Variants in SRPRB observed in about 807,000 individuals in gnomAD.
SRPRB encodes SRP receptor subunit beta.
In SRPRB, 20 loss-of-function variants were observed where a neutral mutation model predicts 31.9. That is an observed-to-expected ratio of 0.63 (90% CI 0.44 to 0.91). The LOEUF (loss-of-function observed/expected upper bound fraction) is 0.91. Among genes scored for constraint, SRPRB ranks in the 40% least tolerant of loss-of-function variants. The probability of loss-of-function intolerance (pLI) is 0.00; values close to 1 mark genes in which losing one functional copy is unlikely to be tolerated. For synonymous variants in SRPRB, 146 were observed against 132.8 expected (o/e 1.10, Z -0.68); for missense variants, 321 against 324.9 (o/e 0.99, Z 0.09).
chr3:133,813,274 T>C (rs943251013), intron 4 of SRPRB, among the ~76,000 whole-genome samples: 2 of 152,234 alleles, frequency 1.3e-5, no homozygotes, highest in African/African-American at 4.8e-5. Context: ...TCCTCAGTTT[T>C]GGAAAATTCT....
At chr3:133,796,772 T>C (rs1197017994) in intron 1 of SRPRB, 1 of 152,210 alleles carries the variant, frequency 6.6e-6, no homozygotes, top group Non-Finnish European at 1.5e-5. Flanking sequence ...AAACATCTAG[T>C]CTTCTAGATG....
chr3:133,819,430 TAA>T lies in SRPRB; in HGVS notation c.603-122_603-121del, dbSNP rs1292135421. 1.4e-5 allele frequency: 11 copies of T among 783,212 alleles called. No individual in the cohort carries two copies. The African/African-American group carries it at 1.7e-4, about 12-fold the overall frequency. 48.5% of individuals were successfully genotyped at this position (783,212 alleles called of 1,614,324 possible). A position where few individuals can be genotyped will look rare whatever the true frequency, so the allele number is the denominator to read the frequency against. On this transcript the variant is annotated intron_variant, in intron 6 of 6. Transcript: ENST00000678299. Reference sequence around the variant, plus strand: ...AATGCAAAGGATTATTCAACAATCTTAATAGCATAATTGGCAATTCTATAGTT... The same window carrying T: ...AATGCAAAGGATTATTCAACAATCTTTAGCATAATTGGCAATTCTATAGTT...
chr3:133,805,870 C>T lies in SRPRB; in HGVS notation c.22C>T (p.Arg8Trp), dbSNP rs1346733651. The stretch of plus-strand genomic sequence containing the variant: ...ATCCATGGCTTCCGCGGACTCGCGC[C>T]GGGTGGCAGATGGCGGCGGTGCCGG... MASADSR[R>W]VADGGGAGGT... Residue 8 changes from arginine (R) to tryptophan (W), a missense_variant, in exon 1 of 7, where the codon CGG becomes TGG. By Grantham distance (101) the Arg-to-Trp change is moderately radical. Coordinates refer to ENST00000678299, the MANE Select transcript of SRPRB (RefSeq NM_001379313.1). 7 of 1,612,028 alleles carry T rather than the reference C, an allele frequency of 4.3e-6. No individual in the cohort carries two copies. The highest frequency in any genetic ancestry group is 1.3e-5 in the African/African-American group (1 of 74,998).
intron 6 of SRPRB, among the ~76,000 whole-genome samples, chr3:133,819,350 A>AGGCCCCC (rs1559893781): frequency 6.8e-6 from 1 of 146,254 alleles, no homozygotes; most frequent in Non-Finnish European, 1.5e-5. Context: ...GTGAGGTCTG[A>AGGCCCCC]CCCCCCCAGC....
chr3:133,814,000 C>T lies in SRPRB; in HGVS notation c.411-1590C>T, dbSNP rs568181063. 3.9e-5 allele frequency among the ~76,000 whole-genome samples: 6 copies of T among 152,272 alleles called. No homozygotes were observed. In the South Asian group the frequency reaches 6.2e-4, roughly 16 times the overall value. On this transcript the variant is annotated intron_variant, in intron 4 of 6. Coordinates refer to ENST00000678299, the MANE Select transcript of SRPRB (RefSeq NM_001379313.1). ...CTAAGGGAACTTTTTTTGCAAGCCC[C>T]GACCTCCCTGAGACTATTTTAAGTT...
intron 1 of SRPRB, chr3:133,792,265 G>T (rs1258293470): frequency 1.7e-4 from 26 of 152,170 alleles, no homozygotes; most frequent in Non-Finnish European, 1.5e-5. Flanking sequence ...AGTAAAATAA[G>T]CGGTTGTTAA....
At position 133,820,317 on chromosome 3, in the gene SRPRB, G is replaced by C. The variant is rs1489328627; in HGVS notation, c.*551G>C. ...AAATAGCAGAGCCAAGCAGACAGTG[G>C]GTCTATTCTTCATTAGCTCAGTGAC... On this transcript the variant is annotated 3_prime_UTR_variant, in exon 7 of 7. Coordinates refer to ENST00000678299, the MANE Select transcript of SRPRB (RefSeq NM_001379313.1). 3 of 156,440 alleles carry C rather than the reference G, an allele frequency of 1.9e-5. No individual in the cohort carries two copies. Among genetic ancestry groups the C allele is most frequent in the African/African-American group, 7.2e-5 (3 of 41,404 alleles). The allele number at this position is 156,440 out of a possible 1,614,324, so 9.7% of individuals were successfully genotyped here.
chr3:133,811,663 A>G (rs1398990360), intron 4 of SRPRB, among the ~76,000 whole-genome samples: 4 of 149,310 alleles, frequency 2.7e-5, no homozygotes, highest in Non-Finnish European at 6.0e-5. Flanking sequence ...GCTCACTGCA[A>G]CCTCCACCTC....
chr3:133,805,888 G>A lies in SRPRB; in HGVS notation c.40G>A (p.Gly14Ser), dbSNP rs951540380. The change falls in exon 1 of 7, where the codon GGT becomes AGT. Residue 14 changes from glycine (G) to serine (S), a missense_variant. Gly to Ser is a moderately conservative substitution (Grantham distance 56). Transcript: ENST00000678299. ...CTCGCGCCGGGTGGCAGATGGCGGC[G>A]GTGCCGGGGGCACCTTCCAGCCCTA... ...ADSRRVADGG[G>S]AGGTFQPYLD... 6.2e-7 allele frequency: 1 copy of A among 1,612,946 alleles called. No homozygotes were observed. Among genetic ancestry groups the A allele is most frequent in the Non-Finnish European group, 8.5e-7 (1 of 1,179,540 alleles).
At chr3:133,807,327 C>T (rs113288563) in intron 2 of SRPRB, among the ~76,000 whole-genome samples, 1,941 of 145,290 alleles carry the variant, frequency 0.013, 55 homozygotes, top group African/African-American at 0.047. Flanking sequence ...GATCTCTGCT[C>T]ATTGCAGCCT....
chr3:133,802,015 C>G (rs2107964519), upstream of SRPRB, among the ~76,000 whole-genome samples: 1 of 152,298 alleles, frequency 6.6e-6, no homozygotes, highest in Non-Finnish European at 1.5e-5. Flanking sequence ...AGTCCCAAGT[C>G]TGCTCATTAC....
chr3:133,823,710 C>T (rs145638964), downstream of SRPRB, among the ~76,000 whole-genome samples: 1 of 152,158 alleles, frequency 6.6e-6, no homozygotes, highest in East Asian at 1.9e-4. Context: ...CTGGAGATAA[C>T]TGAGACCTGG....
intron 1 of SRPRB, among the ~76,000 whole-genome samples, chr3:133,797,489 A>G (rs1410908028): frequency 6.6e-6 from 1 of 152,238 alleles, no homozygotes; most frequent in African/African-American, 2.4e-5. Context: ...GTCTTCTTAG[A>G]TGTTTAAAAG....
chr3:133,786,275 A>G (rs956047890), intron 1 of SRPRB: 3 of 151,466 alleles, frequency 2.0e-5, no homozygotes, highest in Non-Finnish European at 2.9e-5. Context: ...CCCTTTCTAG[A>G]TGTTCTGAAA....
upstream of SRPRB, among the ~76,000 whole-genome samples, chr3:133,801,422 T>C (rs1339594559): frequency 6.6e-6 from 1 of 151,998 alleles, no homozygotes; most frequent in Non-Finnish European, 1.5e-5. Flanking sequence ...AGAATGGGAG[T>C]GCTAACTTCT....
chr3:133,826,798 T>C (rs1018984839), downstream of SRPRB: 8 of 152,704 alleles, frequency 5.2e-5, no homozygotes, highest in East Asian at 1.9e-4. Flanking sequence ...TTTCAACACG[T>C]TGCAGTACTT....
At chr3:133,804,309 CT>C (rs1302136019), upstream of SRPRB, among the ~76,000 whole-genome samples, 3 of 151,756 alleles carry the variant, frequency 2.0e-5, no homozygotes, top group East Asian at 5.9e-4. Flanking sequence ...TTGTGTGGCC[CT>C]GAGTGGTATC....
At position 133,789,879 on chromosome 3, in the gene SRPRB, G is replaced by GTT. The variant is rs56267966; in HGVS notation, c.-174+5763_-174+5764dup. On this transcript the variant is annotated intron_variant, in intron 1 of 7. Coordinates refer to the SRPRB transcript ENST00000466490. ...GCCAAAACAAAACGATCTCGTTTGCGTTTTTTTTTTTTTTTTTTTTTTTTT... is the reference window on the plus strand; with the variant it reads ...GCCAAAACAAAACGATCTCGTTTGCGTTTTTTTTTTTTTTTTTTTTTTTTTTT... 294 of 88,952 alleles carry GTT rather than the reference G, an allele frequency of 3.3e-3. 49 individuals are homozygous for GTT. The highest frequency in any genetic ancestry group is 7.6e-3 in the African/African-American group (139 of 18,256). 5.5% of individuals were successfully genotyped at this position (88,952 alleles called of 1,614,324 possible).
upstream of SRPRB, among the ~76,000 whole-genome samples, chr3:133,801,600 G>A (rs749621006): frequency 1.3e-5 from 2 of 152,094 alleles, no homozygotes; most frequent in Non-Finnish European, 2.9e-5. Flanking sequence ...AGACAGTTAC[G>A]GTTGGAACTC....
Sources: gnomAD v4.1 joint callset for allele counts (sites outside exome capture counted in the v4.1 genomes callset) on GRCh38, gnomAD v4.1.1 for gene constraint, MANE v1.5 for transcripts, NCBI Gene and HGNC (gene_info 2026-07-23, HGNC 2026-07-21) for gene names.